The following ST13 variants were observed in gnomAD, a reference collection of about 807,000 sequenced individuals.
The protein encoded by ST13 is hsc70-interacting protein.
ST13 carries 23 observed loss-of-function variants against 56.7 expected under a neutral mutation model. That is an observed-to-expected ratio of 0.41 (90% CI 0.29 to 0.57). ST13 has a LOEUF of 0.57. ST13 is among the 20% of genes least tolerant of loss of function. The probability of loss-of-function intolerance (pLI) is 0.36; values close to 1 mark genes in which losing one functional copy is unlikely to be tolerated. For missense variants in ST13, 369 were observed against 459.9 expected (o/e 0.80, Z 1.81); for synonymous variants, 132 against 142.4 (o/e 0.93, Z 0.52).
At chr22:40,831,695 C>CT (rs2057754717) in intron 8 of ST13, among the ~76,000 whole-genome samples, 1 of 152,138 alleles carries the variant, frequency 6.6e-6, no homozygotes, top group Non-Finnish European at 1.5e-5. Flanking sequence ...CTTAAAATCT[C>CT]TGAGAGTAAA....
In ST13 at chr22:40,848,290, T is replaced by A; in HGVS notation, c.244+4A>T. On this transcript the variant is annotated splice_donor_region_variant and intron_variant, in intron 3 of 11. Coordinates refer to ENST00000216218, the MANE Select transcript of ST13 (RefSeq NM_003932.5). ...CAAATACAAACTAACTACCGTCTCC[T>A]CACCTAGATCACTTTCCTCACTTGA... The A allele has an allele frequency of 2.5e-6, 4 of 1,608,518 alleles. No homozygotes were observed. The highest frequency in any genetic ancestry group is 3.4e-6 in the Non-Finnish European group (4 of 1,175,044).
intron 5 of ST13, among the ~76,000 whole-genome samples, chr22:40,837,453 C>T (rs1030847061): frequency 4.6e-5 from 7 of 152,042 alleles, no homozygotes; most frequent in African/African-American, 7.2e-5. Context: ...CCAAGACCAG[C>T]CTGACCAACG....
At position 40,832,095 on chromosome 22, in the gene ST13, C is replaced by A. The variant is rs2057756524; in HGVS notation, c.681+474G>T. ...GGTCTTGAACTCCTGACCTCATGAT[C>A]CACCTGCCTCGGCCTCCCAAAGTGC... On this transcript the variant is annotated intron_variant, in intron 8 of 11. Transcript: ENST00000216218. 6 of 440,066 alleles carry A rather than the reference C, an allele frequency of 1.4e-5. No homozygotes were observed. The Admixed American group carries it at 1.6e-4, about 12-fold the overall frequency. The allele number at this position is 440,066 out of a possible 1,614,324, so 27.3% of individuals were successfully genotyped here.
rs1252498120 is a variant in ST13, at chr22:40,835,555, T to C, written c.578+5A>G. On this transcript the variant is annotated splice_donor_5th_base_variant and intron_variant, in intron 7 of 11. Transcript: ENST00000216218. ...TTCTGAAAATAATTAAATTCAATTATTTACCTGTGTGCTTTCCCCCGCCAC... is the reference window on the plus strand; with the variant it reads ...TTCTGAAAATAATTAAATTCAATTACTTACCTGTGTGCTTTCCCCCGCCAC... 1 of 1,599,128 alleles carries C rather than the reference T, an allele frequency of 6.3e-7. No individual in the cohort carries two copies. The highest frequency in any genetic ancestry group is 2.2e-5 in the East Asian group (1 of 44,832).
chr22:40,832,090 A>C, intron 8 of ST13: 1 of 435,012 alleles, frequency 2.3e-6, no homozygotes, highest in Non-Finnish European at 4.6e-6. Flanking sequence ...TCCTGACCTC[A>C]TGATCCACCT....
intron 7 of ST13, among the ~76,000 whole-genome samples, chr22:40,834,409 G>GT (rs1172182599): frequency 3.9e-5 from 6 of 152,108 alleles, no homozygotes; most frequent in African/African-American, 1.4e-4. Context: ...ATTGTAGTAA[G>GT]TAAATGTAAA....
intron 4 of ST13, 87 bp from the exon 5 acceptor site, chr22:40,840,779 A>G: frequency 9.8e-7 from 1 of 1,020,388 alleles, no homozygotes. Context: ...AGGCGCAGTC[A>G]CAATACCCAT....
At chr22:40,837,744 A>C (rs2057784736) in intron 5 of ST13, among the ~76,000 whole-genome samples, 1 of 152,164 alleles carries the variant, frequency 6.6e-6, no homozygotes, top group Admixed American at 6.5e-5. Context: ...GGATCCTCCC[A>C]GCCTCAAGGG....
At chr22:40,828,029 T>C (rs2057736851) in intron 10 of ST13, among the ~76,000 whole-genome samples, 1 of 152,274 alleles carries the variant, frequency 6.6e-6, no homozygotes, top group Non-Finnish European at 1.5e-5. Flanking sequence ...TATACTCTTC[T>C]AGCATAGATC....
chr22:40,840,719 G>A (rs762055408), intron 4 of ST13, 27 bp from the exon 5 acceptor site: 1 of 1,584,680 alleles, frequency 6.3e-7, no homozygotes, highest in Admixed American at 1.8e-5. Flanking sequence ...AATCATCTTA[G>A]AATTAGTAGA....
chr22:40,845,099 C>T (rs1424911272), intron 3 of ST13, among the ~76,000 whole-genome samples, 190 bp from the exon 4 acceptor site: 1 of 152,182 alleles, frequency 6.6e-6, no homozygotes, highest in African/African-American at 2.4e-5. Flanking sequence ...ACTGTCACAT[C>T]ATGTAAGATA....
chr22:40,852,035 G>A (rs1284746113), intron 1 of ST13, among the ~76,000 whole-genome samples: 2 of 152,152 alleles, frequency 1.3e-5, no homozygotes, highest in African/African-American at 2.4e-5. Flanking sequence ...GAACCACTGC[G>A]CCCGGCCTGA....
intron 8 of ST13, among the ~76,000 whole-genome samples, chr22:40,831,707 T>G (rs1222111754): frequency 6.6e-6 from 1 of 152,182 alleles, no homozygotes; most frequent in Non-Finnish European, 1.5e-5. Context: ...GAGAGTAAAT[T>G]CTTGACAGCT....
At chr22:40,841,604 A>G (rs2145742088) in intron 4 of ST13, among the ~76,000 whole-genome samples, 1 of 152,194 alleles carries the variant, frequency 6.6e-6, no homozygotes, top group East Asian at 1.9e-4. Flanking sequence ...AATATTAAAT[A>G]TAAAAATAAT....
In ST13 at chr22:40,831,033, G is replaced by A. The variant is rs2057751508; in HGVS notation, c.682-77C>T. On this transcript the variant is annotated intron_variant, in intron 8 of 11. Transcript: ENST00000216218. ...TCAACACAAATATTCTTTGTAGAGA[G>A]ATGTTTAATTCAACATGCAGTTCAG... The A allele has an allele frequency of 6.4e-6, 6 of 931,914 alleles. No individual in the cohort carries two copies. The South Asian group carries it at 7.2e-5, about 11-fold the overall frequency. 57.7% of individuals were successfully genotyped at this position (931,914 alleles called of 1,614,324 possible).
intron 7 of ST13, among the ~76,000 whole-genome samples, chr22:40,833,490 A>T (rs1219843227): frequency 1.3e-5 from 2 of 149,680 alleles, no homozygotes; most frequent in African/African-American, 4.9e-5. Context: ...GCATGAACCC[A>T]GGAGGCAGAG....
chr22:40,838,711 T>C (rs1314859010), intron 5 of ST13, among the ~76,000 whole-genome samples: 2 of 152,108 alleles, frequency 1.3e-5, no homozygotes, highest in African/African-American at 4.8e-5. Context: ...CAGTGAGCCA[T>C]GACCATGCCA....
At chr22:40,856,106 C>A (rs1324533272) in intron 1 of ST13, among the ~76,000 whole-genome samples, 1 of 152,164 alleles carries the variant, frequency 6.6e-6, no homozygotes, top group South Asian at 2.1e-4. Context: ...AGAAAAACAA[C>A]CCCACGCAAA....
intron 8 of ST13, among the ~76,000 whole-genome samples, chr22:40,831,298 T>C (rs2057752698): frequency 6.6e-6 from 1 of 152,214 alleles, no homozygotes; most frequent in African/African-American, 2.4e-5. Context: ...GACGGACAGC[T>C]GAATTCAGTA....
Sources: allele counts gnomAD v4.1 joint callset (sites outside exome capture counted in the v4.1 genomes callset), GRCh38; gene constraint gnomAD v4.1.1; transcripts MANE v1.5; gene names NCBI Gene and HGNC (gene_info 2026-07-23, HGNC 2026-07-21).